Variants in AQR observed in about 807,000 individuals in gnomAD.
AQR encodes RNA helicase aquarius.
In AQR, 61 loss-of-function variants were observed where a neutral mutation model predicts 180.5. The observed-to-expected ratio is 0.34, with a 90% CI of 0.28 to 0.42. The LOEUF (loss-of-function observed/expected upper bound fraction) is 0.42, where lower values mean the gene tolerates loss of function less well. Among genes scored for constraint, AQR ranks in the 10% least tolerant of loss-of-function variants. The probability of loss-of-function intolerance (pLI) is 1.00; values close to 1 mark genes in which losing one functional copy is unlikely to be tolerated. For missense variants in AQR, 1,281 were observed against 1,798.3 expected, an observed-to-expected ratio of 0.71 and a Z score of 5.20; for synonymous variants, 551 against 588.8, an observed-to-expected ratio of 0.94 and a Z score of 0.93.
chr15:34,939,907 C>T (rs975093798), intron 8 of AQR, among the ~76,000 whole-genome samples: 5 of 152,122 alleles, frequency 3.3e-5, no homozygotes, highest in African/African-American at 1.2e-4. Context: ...AAGTAACTTG[C>T]CCAAAGTCAT....
At chr15:34,883,719 C>T (rs1893011006) in intron 26 of AQR, among the ~76,000 whole-genome samples, 1 of 152,030 alleles carries the variant, frequency 6.6e-6, no homozygotes, top group South Asian at 2.1e-4. Context: ...GAATATGATC[C>T]CTTTATAGGA....
In AQR at chr15:34,955,940, A is replaced by G. The variant is rs867956459; in HGVS notation, c.174-3020T>C. ...AAAAAAAAAAATGAAGCCAGCCACA[A>G]AAGAGTACATAGTGTGTGATTCTAT... On this transcript the variant is annotated intron_variant, in intron 3 of 34. Coordinates refer to ENST00000156471, the MANE Select transcript of AQR (RefSeq NM_014691.3). 4.5e-4 allele frequency among the ~76,000 whole-genome samples: 68 copies of G among 152,128 alleles called. 1 individual carries two copies. The Middle Eastern group carries it at 0.01, about 23-fold the overall frequency.
intron 3 of AQR, among the ~76,000 whole-genome samples, chr15:34,955,312 T>C (rs1270974963): frequency 6.6e-6 from 1 of 152,106 alleles, no homozygotes; most frequent in Non-Finnish European, 1.5e-5. Context: ...TTGAATAATT[T>C]ATGTATGATA....
At chr15:34,883,961 A>G (rs1332354353) in intron 26 of AQR, among the ~76,000 whole-genome samples, 1 of 152,224 alleles carries the variant, frequency 6.6e-6, no homozygotes, top group Non-Finnish European at 1.5e-5. Flanking sequence ...TAGAATGGCC[A>G]CATGGCAGTC....
At chr15:34,937,341 A>G (rs1303968484) in intron 9 of AQR, among the ~76,000 whole-genome samples, 1 of 152,148 alleles carries the variant, frequency 6.6e-6, no homozygotes, top group Non-Finnish European at 1.5e-5. Flanking sequence ...TTTTCTTTAT[A>G]CTAATGCTAG....
At chr15:34,944,451 T>C (rs1182921306) in intron 5 of AQR, 23 bp from the exon 6 acceptor site, 1 of 1,583,420 alleles carries the variant, frequency 6.3e-7, no homozygotes, top group East Asian at 2.3e-5. Flanking sequence ...AGAATAAAAT[T>C]CATTTTGTAT....
intron 4 of AQR, among the ~76,000 whole-genome samples, chr15:34,950,481 C>T (rs536167892): frequency 5.3e-5 from 8 of 151,960 alleles, no homozygotes; most frequent in East Asian, 1.9e-4. Flanking sequence ...TCTTTACCTG[C>T]GTCTAACATG....
At chr15:34,961,652 C>A (rs553100490) in intron 2 of AQR, among the ~76,000 whole-genome samples, 17 of 112,104 alleles carry the variant, frequency 1.5e-4, no homozygotes, top group South Asian at 1.1e-3. Flanking sequence ...GACTCTGGAA[C>A]TGTACATCTC....
intron 31 of AQR, chr15:34,868,313 A>C (rs2140460402): frequency 6.6e-6 from 1 of 152,198 alleles, no homozygotes; most frequent in African/African-American, 2.4e-5. Flanking sequence ...CCTGGGTAAC[A>C]GAGTAAGGCC....
chr15:34,893,661 A>G lies in AQR; in HGVS notation c.2571+2T>C. 6.3e-7 allele frequency: 1 copy of G among 1,578,390 alleles called. No homozygotes were observed. Among genetic ancestry groups the G allele is most frequent in the Non-Finnish European group, 8.7e-7 (1 of 1,148,896 alleles). On this transcript the variant is annotated splice_donor_variant, in intron 23 of 34. Transcript: ENST00000156471. LOFTEE classifies it high-confidence loss of function. ...CACACACACACACACACAGTCATTT[A>G]CCTGATTGGAATGAGTAACAATTAG...
intron 15 of AQR, among the ~76,000 whole-genome samples, chr15:34,916,779 AAAG>A (rs1285777701): frequency 1.3e-5 from 2 of 151,926 alleles, no homozygotes; most frequent in African/African-American, 2.4e-5. Flanking sequence ...CAAGAAAAAT[AAAG>A]AACAGAGGAA....
chr15:34,900,849 A>T lies in AQR; in HGVS notation c.2016T>A (p.Thr672=). The T allele has an allele frequency of 6.2e-7, 1 of 1,605,556 alleles. No homozygotes were observed. Among genetic ancestry groups the T allele is most frequent in the Non-Finnish European group, 8.5e-7 (1 of 1,174,102 alleles). Residue 672 remains threonine (T), a synonymous_variant, in exon 20 of 35, where the codon ACT becomes ACA. Transcript: ENST00000156471. ...AATCAGTATTCATCAGGTTCCGAAT[A>T]GTCTCCAGCACAGCCTGTCAGTAAA... The part of the protein sequence containing the change: ...KENNFKAVLE[T]IRNLMNTDCV...
At chr15:34,871,247 C>G (rs907152304) in intron 30 of AQR, among the ~76,000 whole-genome samples, 7 of 152,188 alleles carry the variant, frequency 4.6e-5, no homozygotes, top group African/African-American at 1.7e-4. Flanking sequence ...TAGCTCACAT[C>G]TGTAATCCCA....
chr15:34,922,788 G>T (rs887961504), intron 13 of AQR, among the ~76,000 whole-genome samples: 2 of 151,500 alleles, frequency 1.3e-5, no homozygotes, highest in Non-Finnish European at 2.9e-5. Context: ...AATCACAGAC[G>T]TGAACCATTG....
rs112889492 is a variant in AQR, at chr15:34,890,105, C to T, written c.2681+110G>A. The T allele has an allele frequency of 2.0e-4, 185 of 913,868 alleles. 2 individuals carry two copies. The Middle Eastern group carries it at 5.7e-3, about 28-fold the overall frequency. 56.6% of individuals were successfully genotyped at this position (913,868 alleles called of 1,614,324 possible). On this transcript the variant is annotated intron_variant, in intron 24 of 34. Transcript: ENST00000156471. ...ATAGTCTTAGTAAGTTAAGTTAGAA[C>T]CTTTCAGAATTAAGTTTCAGTATTC...
chr15:34,863,968 G>C (rs1418237602), intron 32 of AQR, among the ~76,000 whole-genome samples: 1 of 152,076 alleles, frequency 6.6e-6, no homozygotes, highest in East Asian at 1.9e-4. Context: ...CTTTCATGAA[G>C]AATAATAAAG....
chr15:34,890,605 A>G (rs987486005), intron 23 of AQR, among the ~76,000 whole-genome samples: 2 of 152,216 alleles, frequency 1.3e-5, no homozygotes, highest in Admixed American at 6.5e-5. Context: ...GAGTTGTAAC[A>G]ACTCCTAAAA....
At chr15:34,965,429 G>C (rs1380263450) in intron 1 of AQR, among the ~76,000 whole-genome samples, 1 of 152,132 alleles carries the variant, frequency 6.6e-6, no homozygotes, top group Non-Finnish European at 1.5e-5. Context: ...TCAGAACTTT[G>C]GGAGGCCGAG....
chr15:34,968,747 G>A (rs2050326789), intron 1 of AQR, among the ~76,000 whole-genome samples: 1 of 152,154 alleles, frequency 6.6e-6, no homozygotes, highest in Non-Finnish European at 1.5e-5. Context: ...TAGAACACCA[G>A]ATAGATTCAA....
Sources: gnomAD v4.1 joint callset for allele counts (sites outside exome capture counted in the v4.1 genomes callset) on GRCh38, gnomAD v4.1.1 for gene constraint, MANE v1.5 for transcripts, NCBI Gene and HGNC (gene_info 2026-07-23, HGNC 2026-07-21) for gene names.